SLC22A23: variants seen among roughly 807,000 people sequenced by gnomAD.
SLC22A23 encodes ion transporter protein.
SLC22A23 carries 26 observed loss-of-function variants against 61.0 expected under a neutral mutation model. The ratio of observed to expected loss-of-function variants is 0.43; its 90% CI spans 0.31 to 0.59. The LOEUF is 0.59. Ranked by LOEUF, SLC22A23 falls within the 20% of genes least tolerant of loss-of-function variation. SLC22A23 has a pLI of 0.11. For synonymous variants in SLC22A23, 430 were observed against 413.9 expected (o/e 1.04, Z -0.47); for missense variants, 796 against 934.7 (o/e 0.85, Z 1.94).
At chr6:3,402,673 T>C (rs1768510660) in intron 3 of SLC22A23, among the ~76,000 whole-genome samples, 1 of 118,038 alleles carries the variant, frequency 8.5e-6, no homozygotes, top group Non-Finnish European at 1.8e-5. Context: ...CAAACACCTA[T>C]TCTCCCTGAC....
intron 4 of SLC22A23, among the ~76,000 whole-genome samples, chr6:3,302,467 A>G (rs1237534108): frequency 3.3e-5 from 5 of 151,964 alleles, no homozygotes; most frequent in African/African-American, 1.2e-4. Context: ...CTTTCCTTCT[A>G]CTACTTTTAA....
rs1206361966 is a variant in SLC22A23, at chr6:3,308,336, T to C, written c.1083-10118A>G. ...GGTGGGCACATGTCCTTCCAAATCG[T>C]ATTCAGGGCGCTGACACGCACCTGC... On this transcript the variant is annotated intron_variant, in intron 4 of 9. Transcript: ENST00000406686. The surrounding 1 kb of genome is among the most constrained non-coding windows in gnomAD (Gnocchi z 5.1). Among the ~76,000 whole-genome samples, 1 of 152,194 alleles carries C rather than the reference T, an allele frequency of 6.6e-6. No individual in the cohort carries two copies. Among genetic ancestry groups the C allele is most frequent in the Non-Finnish European group, 1.5e-5 (1 of 68,036 alleles).
chr6:3,323,959 C>T lies in SLC22A23; in HGVS notation c.957G>A (p.Met319Ile). ...CPPGKRFMITMVASFVAMAGQ... is the reference protein window; with the variant it reads ...CPPGKRFMITIVASFVAMAGQ... The stretch of plus-strand genomic sequence containing the variant: ...CCGCCATGGCCACGAAGCTCGCCAC[C>T]ATCGTAATCATGAACCGTTTTCCAG... The change falls in exon 4 of 10, where the codon ATG becomes ATA. Residue 319 changes from methionine to isoleucine, a missense_variant. Physicochemically the swap from Met to Ile is conservative, Grantham distance 10. Coordinates refer to ENST00000406686, the MANE Select transcript of SLC22A23 (RefSeq NM_015482.2). The T allele has an allele frequency of 6.2e-7, 1 of 1,614,238 alleles. No individual in the cohort carries two copies. The highest frequency in any genetic ancestry group is 8.5e-7 in the Non-Finnish European group (1 of 1,180,042).
At chr6:3,310,250 GGGAGCACCCTGTCTCCCACT>G (rs1214139017) in intron 4 of SLC22A23, among the ~76,000 whole-genome samples, 16 of 145,978 alleles carry the variant, frequency 1.1e-4, no homozygotes, top group South Asian at 2.2e-4. Flanking sequence ...CTGTCTCCCA[GGGAGCACCCTGTCTCCCACT>G]GGAGCACCCT....
At chr6:3,287,735 G>A (rs931304541) in intron 6 of SLC22A23, among the ~76,000 whole-genome samples, 21 of 151,394 alleles carry the variant, frequency 1.4e-4, no homozygotes, top group Non-Finnish European at 2.5e-4. Context: ...CCAAGCTGGA[G>A]TGCAGTGGCA....
chr6:3,336,321 A>G (rs1763857679), intron 3 of SLC22A23, among the ~76,000 whole-genome samples: 1 of 152,246 alleles, frequency 6.6e-6, no homozygotes, highest in Admixed American at 6.5e-5. Context: ...CTGGACTGCC[A>G]TAGTCGCCTG....
chr6:3,284,054 G>T, intron 8 of SLC22A23, 79 bp from the exon 9 acceptor site: 1 of 1,416,396 alleles, frequency 7.1e-7, no homozygotes, highest in Non-Finnish European at 9.6e-7. Context: ...GGGCTGCACA[G>T]CACAGCTCCT....
intron 7 of SLC22A23, among the ~76,000 whole-genome samples, chr6:3,285,930 G>A (rs563227095): frequency 3.9e-5 from 6 of 152,236 alleles, no homozygotes; most frequent in Admixed American, 6.5e-5. Context: ...CAGGAGGACC[G>A]TGCCAGGGTG....
chr6:3,286,978 G>A lies in SLC22A23; in HGVS notation c.1427C>T (p.Ala476Val), dbSNP rs767975985. Residue 476 changes from alanine (A) to valine (V), a missense_variant, in exon 7 of 10, where the codon GCG becomes GTG. Ala to Val is a moderately conservative substitution (Grantham distance 64). Coordinates refer to ENST00000406686, the MANE Select transcript of SLC22A23 (RefSeq NM_015482.2). The surrounding 1 kb of genome is among the most constrained non-coding windows in gnomAD (Gnocchi z 4.2). Reference sequence around the variant, plus strand: ...GCACATGGCCAGGCAGGACACCAGCGCGATGCTGGCCGTGGTATAGTAGTC... The same window carrying A: ...GCACATGGCCAGGCAGGACACCAGCACGATGCTGGCCGTGGTATAGTAGTC... ...YADYYTTASI[A>V]LVSCLAMCVV... 7 of 1,614,036 alleles carry A rather than the reference G, an allele frequency of 4.3e-6. No homozygotes were observed. Among genetic ancestry groups the A allele is most frequent in the Admixed American group, 1.7e-5 (1 of 60,008 alleles).
At chr6:3,374,707 C>G (rs1422222702) in intron 3 of SLC22A23, among the ~76,000 whole-genome samples, 1 of 152,170 alleles carries the variant, frequency 6.6e-6, no homozygotes, top group African/African-American at 2.4e-5. Context: ...TGGGCCGAAG[C>G]CCTGAAGCAG....
chr6:3,428,105 T>C (rs1770622560), intron 1 of SLC22A23, among the ~76,000 whole-genome samples: 1 of 152,242 alleles, frequency 6.6e-6, no homozygotes, highest in South Asian at 2.1e-4. Flanking sequence ...CCTGGCCAGA[T>C]GCGTATGGGA....
chr6:3,274,974 A>G (rs551005428), intron 9 of SLC22A23, among the ~76,000 whole-genome samples: 350 of 151,628 alleles, frequency 2.3e-3, no homozygotes, highest in African/African-American at 8.0e-3. Context: ...TTTTTTTCAG[A>G]AAACAGCCAA....
In SLC22A23 at chr6:3,307,628, C is replaced by T. The variant is rs142885876; in HGVS notation, c.1083-9410G>A. Among the ~76,000 whole-genome samples the T allele has an allele frequency of 2.0e-3, 298 of 152,260 alleles. 1 individual carries two copies. The highest frequency in any genetic ancestry group is 6.9e-3 in the African/African-American group (287 of 41,582). ...CCAATATGGACGTATCTCGGATCAG[C>T]GAGAGCTGCTCAGGAACCACACCAC... On this transcript the variant is annotated intron_variant, in intron 4 of 9. Coordinates refer to ENST00000406686, the MANE Select transcript of SLC22A23 (RefSeq NM_015482.2).
intron 9 of SLC22A23, chr6:3,282,253 G>A (rs754298873): frequency 2.4e-5 from 17 of 702,462 alleles, no homozygotes; most frequent in South Asian, 1.2e-4. Flanking sequence ...GTGAGCCTGC[G>A]GTCGGCCTGA....
Position 3,360,446 on chromosome 6 carries a change from TCA to T in SLC22A23, c.914-36446_914-36445del, listed in dbSNP as rs1033768636. Among the ~76,000 whole-genome samples, 3 of 151,816 alleles carry T rather than the reference TCA, an allele frequency of 2.0e-5. No individual in the cohort carries two copies. The highest frequency in any genetic ancestry group is 2.9e-5 in the Non-Finnish European group (2 of 67,984). On this transcript the variant is annotated intron_variant, in intron 3 of 9. Coordinates refer to ENST00000406686, the MANE Select transcript of SLC22A23 (RefSeq NM_015482.2). This position sits in a 1 kb window ranked among gnomAD's most constrained non-coding sequence, Gnocchi z 4.6. ...CTCAATCACCAGGAGGTGAGGTGAG[TCA>T]CAGAGCTCACTGCATTGCCATTCTT...
Position 3,324,039 on chromosome 6 carries a change from C to T in SLC22A23, c.914-37G>A, listed in dbSNP as rs1370868675. The T allele has an allele frequency of 6.2e-7, 1 of 1,601,858 alleles. No individual in the cohort carries two copies. Among genetic ancestry groups the T allele is most frequent in the Admixed American group, 1.7e-5 (1 of 59,702 alleles). On this transcript the variant is annotated intron_variant, in intron 3 of 9. Coordinates refer to ENST00000406686, the MANE Select transcript of SLC22A23 (RefSeq NM_015482.2). The surrounding 1 kb of genome is among the most constrained non-coding windows in gnomAD (Gnocchi z 4.3). ...AACCAATGAGAGAGAGATGAGTGCC[C>T]TGCTCGACAGCCCGAGAAGTCCTGG...
chr6:3,432,362 T>C, intron 1 of SLC22A23: 3 of 985,500 alleles, frequency 3.0e-6, no homozygotes, highest in Non-Finnish European at 1.2e-6. Context: ...AAATGTTTAA[T>C]GTTTTTTCCC....
At chr6:3,319,406 G>A (rs1050796810) in intron 4 of SLC22A23, among the ~76,000 whole-genome samples, 4 of 152,166 alleles carry the variant, frequency 2.6e-5, no homozygotes, top group Non-Finnish European at 4.4e-5. Context: ...GCCCCTCAGA[G>A]GGGTCTCTCC....
At chr6:3,275,119 A>G (rs1758775668) in intron 9 of SLC22A23, among the ~76,000 whole-genome samples, 1 of 152,238 alleles carries the variant, frequency 6.6e-6, no homozygotes, top group Admixed American at 6.5e-5. Flanking sequence ...GTTGGTGTAT[A>G]TATCAATAGA....
Sources: allele counts gnomAD v4.1 joint callset (sites outside exome capture counted in the v4.1 genomes callset), GRCh38; gene constraint gnomAD v4.1.1; non-coding constraint Gnocchi (gnomAD v3.1); transcripts MANE v1.5; gene names NCBI Gene and HGNC (gene_info 2026-07-23, HGNC 2026-07-21).